POLN: variants seen among roughly 807,000 people sequenced by gnomAD.
POLN encodes the protein DNA polymerase N.
In POLN, 108 loss-of-function variants were observed where a neutral mutation model predicts 113.5. The observed-to-expected ratio is 0.95, with a 90% CI of 0.81 to 1.12. The LOEUF is 1.12. Ranked by LOEUF, POLN falls within the 50% of genes most tolerant of loss-of-function variation. The pLI is 0.00. For synonymous variants in POLN, 386 were observed against 391.5 expected (o/e 0.99, Z 0.17); for missense variants, 1,097 against 1,077.1 (o/e 1.02, Z -0.26).
intron 19 of POLN, among the ~76,000 whole-genome samples, chr4:2,115,282 G>T (rs1250111927): frequency 6.7e-6 from 1 of 149,378 alleles, no homozygotes; most frequent in Non-Finnish European, 1.5e-5. Context: ...TGGCCAGGCT[G>T]GTTTCGAACT....
chr4:2,112,325 G>T (rs1202817196), intron 19 of POLN, among the ~76,000 whole-genome samples: 1 of 152,152 alleles, frequency 6.6e-6, no homozygotes, highest in East Asian at 1.9e-4. Flanking sequence ...CATAGGCATG[G>T]GCAAGGACTT....
intron 20 of POLN, among the ~76,000 whole-genome samples, chr4:2,095,053 C>A (rs1288223447): frequency 4.6e-5 from 7 of 152,078 alleles, no homozygotes; most frequent in African/African-American, 1.7e-4. Context: ...CTAGGCCATG[C>A]TGATTCAGCA....
At chr4:2,098,736 G>C (rs1730854665) in intron 19 of POLN, among the ~76,000 whole-genome samples, 1 of 152,244 alleles carries the variant, frequency 6.6e-6, no homozygotes, top group African/African-American at 2.4e-5. Flanking sequence ...CTGCTCAGTA[G>C]CAAAGAGCAC....
rs1731514030 is a variant in POLN at position 2,123,929 on chromosome 4, T to C, written c.1982+4184A>G. ...TGTCCATCAAAGGACATTTGATGAA[T>C]AGATAAATACACGGATTATTTGCTT... is the stretch of plus-strand genomic sequence containing the variant. On this transcript the variant is annotated intron_variant, in intron 19 of 25. Transcript: ENST00000511885. Among the ~76,000 whole-genome samples, 3 of 152,232 alleles carry C rather than the reference T, an allele frequency of 2.0e-5. No homozygotes were observed. In the South Asian group the frequency reaches 6.2e-4, roughly 32 times the overall value.
chr4:2,175,148 A>G (rs1488642512), intron 9 of POLN, among the ~76,000 whole-genome samples: 1 of 152,180 alleles, frequency 6.6e-6, no homozygotes, highest in African/African-American at 2.4e-5. Flanking sequence ...TTGTCGAGCT[A>G]GAATTAAGGT....
chr4:2,240,045 G>A (rs1162907218), intron 2 of POLN: 1 of 1,611,716 alleles, frequency 6.2e-7, no homozygotes, highest in Admixed American at 1.7e-5. Flanking sequence ...TACCTTGCTG[G>A]TTAGGCTGTG....
At chr4:2,212,224 C>G (rs1307882204) in intron 4 of POLN, among the ~76,000 whole-genome samples, 1 of 152,236 alleles carries the variant, frequency 6.6e-6, no homozygotes, top group African/African-American at 2.4e-5. Flanking sequence ...CTCTGGCCCA[C>G]ACCACATAAC....
intron 18 of POLN, 123 bp downstream of exon 18, chr4:2,129,056 C>CACAA: frequency 3.6e-6 from 1 of 280,444 alleles, no homozygotes; most frequent in Non-Finnish European, 5.9e-6. Flanking sequence ...ACTCTTGTCT[C>CACAA]AAAAAAAAAA....
chr4:2,135,393 T>C (rs1466040218), intron 16 of POLN, among the ~76,000 whole-genome samples: 1 of 152,174 alleles, frequency 6.6e-6, no homozygotes, highest in Non-Finnish European at 1.5e-5. Context: ...ATGCTCCCCG[T>C]TGGTTGTGGC....
intron 16 of POLN, 114 bp from the exon 17 acceptor site, chr4:2,131,404 A>C (rs1478114395): frequency 5.8e-6 from 4 of 685,002 alleles, no homozygotes; most frequent in Admixed American, 2.8e-5. Flanking sequence ...AAGCCAATGT[A>C]ACATGCATAA....
intron 8 of POLN, among the ~76,000 whole-genome samples, 198 bp from the exon 9 acceptor site, chr4:2,176,532 C>T (rs771438389): frequency 6.6e-6 from 1 of 152,186 alleles, no homozygotes; most frequent in Middle Eastern, 3.2e-3. Flanking sequence ...GCTTCTACTG[C>T]GCAAGTGCAA....
chr4:2,190,408 A>T (rs1733410254), intron 7 of POLN, among the ~76,000 whole-genome samples: 2 of 152,106 alleles, frequency 1.3e-5, no homozygotes, highest in South Asian at 4.1e-4. Context: ...TAAATCTAAG[A>T]CCTGAAACTA....
At chr4:2,185,472 G>A (rs1317835725) in intron 7 of POLN, among the ~76,000 whole-genome samples, 4 of 152,332 alleles carry the variant, frequency 2.6e-5, no homozygotes, top group East Asian at 3.9e-4. Context: ...CTGGCTGGGC[G>A]CGGTGGCCCA....
chr4:2,239,817 G>A (rs1577803491), intron 2 of POLN, among the ~76,000 whole-genome samples: 1 of 152,186 alleles, frequency 6.6e-6, no homozygotes, highest in African/African-American at 2.4e-5. Context: ...AAATAAATTA[G>A]ATAATGTGGT....
chr4:2,137,846 G>A (rs558941179), intron 16 of POLN, among the ~76,000 whole-genome samples: 46 of 152,084 alleles, frequency 3.0e-4, no homozygotes, highest in South Asian at 2.9e-3. Flanking sequence ...GTCGGGGGGC[G>A]GGTCGGTGGG....
intron 16 of POLN, among the ~76,000 whole-genome samples, chr4:2,133,751 C>G (rs1482179505): frequency 2.6e-5 from 4 of 152,144 alleles, no homozygotes. Context: ...CCCCTGCCCC[C>G]CAACAACTTT....
At chr4:2,078,558 C>A in intron 23 of POLN, 1 of 981,942 alleles carries the variant, frequency 1.0e-6, no homozygotes, top group South Asian at 4.7e-5. Context: ...CTAGGGGCAC[C>A]GTGTGCCTCC....
intron 15 of POLN, 136 bp downstream of exon 15, chr4:2,157,722 C>CA (rs71644319): frequency 0.012 from 1,670 of 134,278 alleles, 14 homozygotes; most frequent in African/African-American, 0.022. Context: ...GACTCTGTCT[C>CA]AAAAAAAAAA....
At chr4:2,147,341 A>T (rs574270757) in intron 16 of POLN, among the ~76,000 whole-genome samples, 8 of 152,350 alleles carry the variant, frequency 5.3e-5, no homozygotes, top group African/African-American at 1.9e-4. Context: ...ATGAGAAAAA[A>T]GGTCCTCAAC....
Sources: gnomAD v4.1 joint callset for allele counts (sites outside exome capture counted in the v4.1 genomes callset) on GRCh38, gnomAD v4.1.1 for gene constraint, MANE v1.5 for transcripts, NCBI Gene and HGNC (gene_info 2026-07-23, HGNC 2026-07-21) for gene names.